The following ARHGEF11 variants were observed in gnomAD, a reference collection of about 807,000 sequenced individuals.
ARHGEF11 encodes Rho guanine nucleotide exchange factor 11.
ARHGEF11 carries 55 observed loss-of-function variants against 193.7 expected under a neutral mutation model. The observed-to-expected ratio is 0.28, with a 90% CI of 0.23 to 0.36. The LOEUF is 0.36. ARHGEF11 is among the 10% of genes least tolerant of loss of function. The pLI is 1.00. For missense variants in ARHGEF11, 1,723 were observed against 2,005.6 expected (o/e 0.86, Z 2.69); for synonymous variants, 693 against 768.0 (o/e 0.90, Z 1.62).
intron 1 of ARHGEF11, among the ~76,000 whole-genome samples, chr1:156,994,472 G>A (rs1666208862): frequency 6.7e-6 from 1 of 150,240 alleles, no homozygotes; most frequent in African/African-American, 2.4e-5. Flanking sequence ...ACTAGAAAGA[G>A]TGAGTGAAAA....
intron 1 of ARHGEF11, among the ~76,000 whole-genome samples, chr1:157,036,497 T>A (rs1452172976): frequency 6.6e-6 from 1 of 151,924 alleles, no homozygotes; most frequent in African/African-American, 2.4e-5. Context: ...AATTTTTGTA[T>A]CTTTAGTAGA....
chr1:156,950,816 C>T (rs1658977700), intron 22 of ARHGEF11, among the ~76,000 whole-genome samples: 1 of 152,178 alleles, frequency 6.6e-6, no homozygotes, highest in Admixed American at 6.5e-5. Flanking sequence ...GACCATATTA[C>T]TCTACCTGTT....
At chr1:157,025,417 G>T (rs1670526589) in intron 1 of ARHGEF11, among the ~76,000 whole-genome samples, 1 of 152,206 alleles carries the variant, frequency 6.6e-6, no homozygotes, top group African/African-American at 2.4e-5. Context: ...AAATGAGACA[G>T]GGCATAAATC....
At chr1:157,012,660 A>G (rs1000056316) in intron 1 of ARHGEF11, among the ~76,000 whole-genome samples, 1 of 152,238 alleles carries the variant, frequency 6.6e-6, no homozygotes, top group Non-Finnish European at 1.5e-5. Flanking sequence ...TTGCCCATAT[A>G]TCCAAAGTAA....
chr1:156,986,946 C>T (rs547347561), intron 1 of ARHGEF11, among the ~76,000 whole-genome samples: 1 of 152,188 alleles, frequency 6.6e-6, no homozygotes, highest in Non-Finnish European at 1.5e-5. Flanking sequence ...TATTCAGCTC[C>T]AGTCCCTCAG....
Position 156,943,928 on chromosome 1 carries a change from C to T in ARHGEF11, c.3235+7G>A. 1 of 1,608,968 alleles carries T rather than the reference C, an allele frequency of 6.2e-7. No individual in the cohort carries two copies. Among genetic ancestry groups the T allele is most frequent in the Non-Finnish European group, 8.5e-7 (1 of 1,176,764 alleles). ...CCCAGGCCAGCCTGGACCATCTCCC[C>T]AGGTACCTGTGGCCACAGAGCGGAT... On this transcript the variant is annotated splice_region_variant and intron_variant, in intron 32 of 40. Transcript: ENST00000368194.
At position 157,020,235 on chromosome 1, in the gene ARHGEF11, G is replaced by A. The variant is rs139361192; in HGVS notation, c.32+24064C>T. Reference sequence around the variant, plus strand: ...TGATTGTGGGGATAGTGTCACAGATGTACATGTATGTCAAAACACATCAAA... The same window carrying A: ...TGATTGTGGGGATAGTGTCACAGATATACATGTATGTCAAAACACATCAAA... On this transcript the variant is annotated intron_variant, in intron 1 of 40. Transcript: ENST00000368194. Among the ~76,000 whole-genome samples, 10 of 152,180 alleles carry A rather than the reference G, an allele frequency of 6.6e-5. No homozygotes were observed. The East Asian group carries it at 1.2e-3, about 18-fold the overall frequency.
chr1:156,940,443 A>C lies in ARHGEF11; in HGVS notation c.3515-18T>G, dbSNP rs1419665712. 2.5e-6 allele frequency: 4 copies of C among 1,588,148 alleles called. No homozygotes were observed. The East Asian group carries it at 6.8e-5, about 27-fold the overall frequency. On this transcript the variant is annotated intron_variant, in intron 35 of 40. Coordinates refer to ENST00000368194, the MANE Select transcript of ARHGEF11 (RefSeq NM_198236.3). The stretch of plus-strand genomic sequence containing the variant: ...CCCAGTGCCTGTTTCGGATGAGAGA[A>C]GATTGTAAGGCAGGGAAAGGGAGAG...
At chr1:156,979,045 G>A (rs1270182786) in intron 5 of ARHGEF11, among the ~76,000 whole-genome samples, 184 bp downstream of exon 5, 2 of 152,240 alleles carry the variant, frequency 1.3e-5, no homozygotes, top group African/African-American at 2.4e-5. Flanking sequence ...TCCACTTGAA[G>A]TAATAGGGAA....
intron 9 of ARHGEF11, 64 bp downstream of exon 9, chr1:156,969,934 G>C: frequency 6.5e-7 from 1 of 1,544,924 alleles, no homozygotes; most frequent in Non-Finnish European, 8.9e-7. Flanking sequence ...CATGGGGAGG[G>C]TAAACAGGTA....
At chr1:156,961,874 G>A in intron 13 of ARHGEF11, 99 bp from the exon 14 acceptor site, 1 of 1,030,224 alleles carries the variant, frequency 9.7e-7, no homozygotes, top group Non-Finnish European at 1.5e-6. Flanking sequence ...ATTTTTAGTT[G>A]TTACAACTAC....
intron 7 of ARHGEF11, among the ~76,000 whole-genome samples, chr1:156,974,244 CTT>C (rs1200323314): frequency 6.6e-6 from 1 of 151,838 alleles, no homozygotes; most frequent in Non-Finnish European, 1.5e-5. Flanking sequence ...ATTTTTAAAA[CTT>C]TTTTAGAGAC....
chr1:157,032,923 T>G (rs1253579492), intron 1 of ARHGEF11, among the ~76,000 whole-genome samples: 3 of 152,152 alleles, frequency 2.0e-5, no homozygotes, highest in Admixed American at 2.0e-4. Context: ...TCCCTGCCAG[T>G]CTCTTCTGCA....
At chr1:157,012,563 T>C (rs1188741341) in intron 1 of ARHGEF11, among the ~76,000 whole-genome samples, 2 of 152,214 alleles carry the variant, frequency 1.3e-5, no homozygotes, top group Non-Finnish European at 2.9e-5. Context: ...GTTTTACAGA[T>C]ATGAAGAAAA....
At chr1:157,014,424 T>C (rs1487815322) in intron 1 of ARHGEF11, among the ~76,000 whole-genome samples, 1 of 152,174 alleles carries the variant, frequency 6.6e-6, no homozygotes, top group Non-Finnish European at 1.5e-5. Context: ...TCTCCTCTTT[T>C]TGAGACAGGG....
At chr1:157,025,787 T>C (rs1670564709) in intron 1 of ARHGEF11, among the ~76,000 whole-genome samples, 2 of 151,934 alleles carry the variant, frequency 1.3e-5, no homozygotes, top group Non-Finnish European at 2.9e-5. Flanking sequence ...AAAAAGTGTG[T>C]CCTATGGGAA....
At chr1:156,986,659 T>C (rs1411013919) in intron 1 of ARHGEF11, among the ~76,000 whole-genome samples, 1 of 151,972 alleles carries the variant, frequency 6.6e-6, no homozygotes, top group Non-Finnish European at 1.5e-5. Context: ...CATACAGAGG[T>C]CTGCATGAGC....
At chr1:157,025,366 T>C (rs1429977982) in intron 1 of ARHGEF11, among the ~76,000 whole-genome samples, 1 of 152,144 alleles carries the variant, frequency 6.6e-6, no homozygotes, top group African/African-American at 2.4e-5. Flanking sequence ...AAGCACACAA[T>C]ACAAAGTAGG....
intron 1 of ARHGEF11, among the ~76,000 whole-genome samples, chr1:157,035,050 A>G (rs1300879708): frequency 1.3e-5 from 2 of 152,172 alleles, no homozygotes; most frequent in Non-Finnish European, 2.9e-5. Flanking sequence ...GGGTACAGTA[A>G]TGAGACCTAC....
Sources: allele counts gnomAD v4.1 joint callset (sites outside exome capture counted in the v4.1 genomes callset), GRCh38; gene constraint gnomAD v4.1.1; transcripts MANE v1.5; gene names NCBI Gene and HGNC (gene_info 2026-07-23, HGNC 2026-07-21).